ZNF618: variants seen among roughly 807,000 people sequenced by gnomAD.
ZNF618 encodes the protein neural precursor cell expressed, developmentally down-regulated 10.
ZNF618 carries 34 observed loss-of-function variants against 103.0 expected under a neutral mutation model. The observed-to-expected ratio is 0.33, with a 90% CI of 0.25 to 0.44. The LOEUF is 0.44. Ranked by LOEUF, ZNF618 falls within the 20% of genes least tolerant of loss-of-function variation. The pLI, the probability that ZNF618 is intolerant of heterozygous loss-of-function variation, is 1.00. For synonymous variants in ZNF618, 551 were observed against 542.2 expected (o/e 1.02, Z -0.23); for missense variants, 1,059 against 1,295.4 (o/e 0.82, Z 2.80).
At chr9:113,955,691 A>G (rs1836216436) in intron 1 of ZNF618, among the ~76,000 whole-genome samples, 1 of 152,068 alleles carries the variant, frequency 6.6e-6, no homozygotes, top group Non-Finnish European at 1.5e-5. Context: ...AAAAAGTCTT[A>G]CTTAGAACAT....
intron 2 of ZNF618, among the ~76,000 whole-genome samples, chr9:113,982,301 TC>T (rs1162655936): frequency 6.6e-6 from 1 of 152,092 alleles, no homozygotes; most frequent in Non-Finnish European, 1.5e-5. Flanking sequence ...AGAGTGAGAT[TC>T]CCTCTGAAAG....
chr9:114,002,094 G>T, intron 5 of ZNF618, 21 bp downstream of exon 5: 1 of 1,606,206 alleles, frequency 6.2e-7, no homozygotes, highest in Non-Finnish European at 8.5e-7. Flanking sequence ...TGTCCCTGGG[G>T]CAGAGCCCAG....
intron 1 of ZNF618, among the ~76,000 whole-genome samples, chr9:113,929,778 C>T (rs1427005329): frequency 1.3e-5 from 2 of 152,168 alleles, no homozygotes; most frequent in African/African-American, 4.8e-5. Flanking sequence ...CTTTAGTTCA[C>T]TTGTTACCCG....
intron 1 of ZNF618, among the ~76,000 whole-genome samples, chr9:113,946,703 G>A (rs1165009516): frequency 6.6e-6 from 1 of 152,210 alleles, no homozygotes; most frequent in Non-Finnish European, 1.5e-5. Flanking sequence ...GAGGGGCTGT[G>A]AAAGTACCCC....
chr9:113,951,460 C>CCT (rs1554732924), intron 1 of ZNF618, among the ~76,000 whole-genome samples: 1 of 18,340 alleles, frequency 5.5e-5, no homozygotes, highest in Non-Finnish European at 1.0e-4. Context: ...TGTATATATA[C>CCT]ATATATGTGT....
At chr9:114,029,355 T>C (rs1431105459) in intron 11 of ZNF618, among the ~76,000 whole-genome samples, 1 of 152,242 alleles carries the variant, frequency 6.6e-6, no homozygotes, top group African/African-American at 2.4e-5. Flanking sequence ...ACTTTTGATT[T>C]CTACCTGACA....
At chr9:113,972,231 T>C (rs1838038337) in intron 2 of ZNF618, among the ~76,000 whole-genome samples, 1 of 152,106 alleles carries the variant, frequency 6.6e-6, no homozygotes. Flanking sequence ...CATCTTTTTG[T>C]AGAGCTGGGG....
At chr9:113,977,996 C>T (rs1436528931) in intron 2 of ZNF618, among the ~76,000 whole-genome samples, 1 of 152,228 alleles carries the variant, frequency 6.6e-6, no homozygotes, top group East Asian at 1.9e-4. Flanking sequence ...TAAGAATTAT[C>T]TCCAACTAAT....
At chr9:113,883,824 T>G (rs1372528817) in intron 1 of ZNF618, among the ~76,000 whole-genome samples, 1 of 152,094 alleles carries the variant, frequency 6.6e-6, no homozygotes, top group Non-Finnish European at 1.5e-5. Flanking sequence ...AGTGAACTTT[T>G]TCTCCCTCTT....
chr9:113,931,034 A>T (rs767004939), intron 1 of ZNF618, among the ~76,000 whole-genome samples: 7 of 152,192 alleles, frequency 4.6e-5, no homozygotes, highest in Non-Finnish European at 7.3e-5. Flanking sequence ...CTTTTTTAGG[A>T]TAGAATTCAG....
rs201838425 is a variant in ZNF618 at position 113,945,777 on chromosome 9, T to TG, written c.34-23334dup. On this transcript the variant is annotated intron_variant, in intron 1 of 14. Coordinates refer to ENST00000374126, the MANE Select transcript of ZNF618 (RefSeq NM_001318042.2). ...GTGGCTGTTAATAAAAATATAGGGC[T>TG]GGGGGGAGAAAAAAAGACTTTTCCT... 6.1e-3 allele frequency among the ~76,000 whole-genome samples: 936 copies of TG among 152,220 alleles called. 10 individuals are homozygous for TG. Among genetic ancestry groups the TG allele is most frequent in the African/African-American group, 0.022 (894 of 41,522 alleles).
chr9:113,950,633 CTG>C (rs1416696918), intron 1 of ZNF618, among the ~76,000 whole-genome samples: 1 of 152,184 alleles, frequency 6.6e-6, no homozygotes, highest in Non-Finnish European at 1.5e-5. Context: ...GGCCTGCACT[CTG>C]TGAATAAGCC....
At chr9:114,023,790 T>G (rs1843266485) in intron 10 of ZNF618, among the ~76,000 whole-genome samples, 1 of 152,164 alleles carries the variant, frequency 6.6e-6, no homozygotes, top group African/African-American at 2.4e-5. Context: ...GTCTTCTGGC[T>G]TAAGTTGTTT....
intron 1 of ZNF618, among the ~76,000 whole-genome samples, chr9:113,895,263 TAA>T (rs1277265091): frequency 6.6e-6 from 1 of 152,104 alleles, no homozygotes; most frequent in African/African-American, 2.4e-5. Flanking sequence ...TATTTAGTAA[TAA>T]GAGGGGGTAA....
At chr9:113,946,103 G>T (rs1835003221) in intron 1 of ZNF618, among the ~76,000 whole-genome samples, 1 of 152,228 alleles carries the variant, frequency 6.6e-6, no homozygotes, top group African/African-American at 2.4e-5. Flanking sequence ...TTGAGAGCCA[G>T]CACCACTGTC....
intron 1 of ZNF618, among the ~76,000 whole-genome samples, chr9:113,878,075 A>G (rs1265060429): frequency 2.6e-5 from 4 of 151,726 alleles, no homozygotes; most frequent in Admixed American, 6.6e-5. Context: ...GGCCTCTTTG[A>G]TTGTGATGTG....
At chr9:113,954,092 A>T (rs537923925) in intron 1 of ZNF618, among the ~76,000 whole-genome samples, 1 of 152,212 alleles carries the variant, frequency 6.6e-6, no homozygotes, top group African/African-American at 2.4e-5. Flanking sequence ...GGTTGAGTCT[A>T]TGTGGGGTAG....
chr9:113,965,088 T>G (rs1284743826), intron 1 of ZNF618, among the ~76,000 whole-genome samples: 1 of 152,028 alleles, frequency 6.6e-6, no homozygotes, highest in Non-Finnish European at 1.5e-5. Flanking sequence ...CTGCTTGGAT[T>G]TATTTCCAAT....
chr9:114,009,904 C>G (rs1271832686), intron 9 of ZNF618, among the ~76,000 whole-genome samples: 2 of 152,162 alleles, frequency 1.3e-5, no homozygotes, highest in Non-Finnish European at 2.9e-5. Context: ...CTTAACTCTT[C>G]TGAAAGCATT....
Sources: gnomAD v4.1 joint callset for allele counts (sites outside exome capture counted in the v4.1 genomes callset) on GRCh38, gnomAD v4.1.1 for gene constraint, MANE v1.5 for transcripts, NCBI Gene and HGNC (gene_info 2026-07-23, HGNC 2026-07-21) for gene names.